HIRA: variants seen among roughly 807,000 people sequenced by gnomAD.
HIRA encodes protein HIRA.
A neutral mutation model predicts 126.6 loss-of-function variants in HIRA; 13 were observed. The ratio of observed to expected loss-of-function variants is 0.10; its 90% CI spans 0.07 to 0.16. The LOEUF (loss-of-function observed/expected upper bound fraction) is 0.16, where lower values mean the gene tolerates loss of function less well. Among genes scored for constraint, HIRA ranks in the 10% least tolerant of loss-of-function variants. The probability of loss-of-function intolerance (pLI) is 1.00; values close to 1 mark genes in which losing one functional copy is unlikely to be tolerated. For missense variants in HIRA, 834 were observed against 1,314.4 expected (o/e 0.63, Z 5.65); for synonymous variants, 511 against 520.0 (o/e 0.98, Z 0.24).
chr22:19,413,667 A>G (rs927274840), intron 1 of HIRA, among the ~76,000 whole-genome samples: 1 of 151,910 alleles, frequency 6.6e-6, no homozygotes, highest in Non-Finnish European at 1.5e-5. Flanking sequence ...GCTAGAGTGC[A>G]GTGGCGTGAT....
intron 15 of HIRA, among the ~76,000 whole-genome samples, chr22:19,368,741 G>A (rs928250394): frequency 2.0e-5 from 3 of 152,276 alleles, no homozygotes; most frequent in East Asian, 1.9e-4. Context: ...AAAATACAGC[G>A]AGAATGTCAC....
intron 24 of HIRA, among the ~76,000 whole-genome samples, chr22:19,333,828 C>T (rs1347455542): frequency 6.6e-6 from 1 of 152,154 alleles, no homozygotes; most frequent in Non-Finnish European, 1.5e-5. Context: ...GACCTGTTTT[C>T]AAGTTTGCTG....
At chr22:19,347,517 C>A (rs1300028947) in intron 24 of HIRA, among the ~76,000 whole-genome samples, 1 of 152,166 alleles carries the variant, frequency 6.6e-6, no homozygotes, top group Non-Finnish European at 1.5e-5. Context: ...CAGCAAACTT[C>A]TGAGAGCTAA....
intron 13 of HIRA, among the ~76,000 whole-genome samples, chr22:19,379,027 T>C (rs1156708955): frequency 7.0e-6 from 1 of 143,710 alleles, no homozygotes; most frequent in East Asian, 2.0e-4. Flanking sequence ...TGACATTTTT[T>C]CTTTTTCTTT....
chr22:19,423,474 CACATGCAT>C lies in HIRA; in HGVS notation c.37+7958_37+7965del, dbSNP rs1454866912. On this transcript the variant is annotated intron_variant, in intron 1 of 24. Transcript: ENST00000263208. ...GAAAACATACACACACTGACTCACA[CACATGCAT>C]ACACACACACACACACACACACACA... Among the ~76,000 whole-genome samples the C allele has an allele frequency of 6.7e-5, 9 of 134,068 alleles. No homozygotes were observed. In the East Asian group the frequency reaches 1.7e-3, roughly 26 times the overall value. 88.0% of individuals were successfully genotyped at this position (134,068 alleles called of 152,430 possible). A position where few individuals can be genotyped will look rare whatever the true frequency, so the allele number is the denominator to read the frequency against.
At chr22:19,337,830 C>A (rs781898909) in intron 24 of HIRA, among the ~76,000 whole-genome samples, 2 of 151,832 alleles carry the variant, frequency 1.3e-5, no homozygotes, top group African/African-American at 2.4e-5. Context: ...CTTGCTTTGT[C>A]ATCCAGGCTG....
intron 12 of HIRA, 124 bp downstream of exon 12, chr22:19,385,397 T>C: frequency 1.1e-6 from 1 of 885,940 alleles, no homozygotes; most frequent in Non-Finnish European, 1.7e-6. Context: ...GGCCCGAGGC[T>C]GGCTAACCCA....
At position 19,431,641 on chromosome 22, in the gene HIRA, CGCCGCCACA is replaced by C; in HGVS notation, c.-174_-166del. 1 of 665,290 alleles carries C rather than the reference CGCCGCCACA, an allele frequency of 1.5e-6. No homozygotes were observed. Among genetic ancestry groups the C allele is most frequent in the Non-Finnish European group, 1.9e-6 (1 of 513,614 alleles). 41.2% of individuals were successfully genotyped at this position (665,290 alleles called of 1,614,324 possible). On this transcript the variant is annotated 5_prime_UTR_variant, in exon 1 of 25. Transcript: ENST00000263208. ...GCCATCGCCGGCCCGCGCCCCCCTCCGCCGCCACAGCCGCCACCCGCGCTCGGCCGCCGC... is the reference window on the plus strand; with the variant it reads ...GCCATCGCCGGCCCGCGCCCCCCTCCGCCGCCACCCGCGCTCGGCCGCCGC...
intron 24 of HIRA, among the ~76,000 whole-genome samples, chr22:19,334,226 T>C (rs8139059): frequency 0.42 from 63,475 of 151,168 alleles, 14,822 homozygotes; most frequent in Non-Finnish European, 0.52. Context: ...CCGCCCGCCT[T>C]GGCCTCCCAA....
intron 1 of HIRA, among the ~76,000 whole-genome samples, chr22:19,411,398 A>C (rs1282720944): frequency 6.6e-6 from 1 of 152,232 alleles, no homozygotes; most frequent in African/African-American, 2.4e-5. Flanking sequence ...GTATGGGCCT[A>C]GGCTTGCACT....
At position 19,356,969 on chromosome 22, in the gene HIRA, G is replaced by A. The variant is rs202148034; in HGVS notation, c.2317C>T (p.Leu773=). Residue 773 remains leucine, a synonymous_variant, in exon 19 of 25, where the codon CTG becomes TTG. Transcript: ENST00000263208. ...CGRRLLSPIL[L]PSPISTLHCT... ...TGCAAAGTAGAGATCGGGGATGGCA[G>A]GAGGATGGGAGAGAGGAGACGGCGA... The A allele has an allele frequency of 6.2e-7, 1 of 1,614,030 alleles. No homozygotes were observed. The highest frequency in any genetic ancestry group is 2.2e-5 in the East Asian group (1 of 44,874).
At chr22:19,430,392 T>C (rs1401277610) in intron 1 of HIRA, 2 of 152,156 alleles carry the variant, frequency 1.3e-5, no homozygotes, top group Non-Finnish European at 2.9e-5. Flanking sequence ...TTCAGTTTAG[T>C]TGTGGTAGTA....
intron 1 of HIRA, among the ~76,000 whole-genome samples, chr22:19,423,410 GC>G (rs2146258519): frequency 6.6e-6 from 1 of 152,052 alleles, no homozygotes; most frequent in Admixed American, 6.6e-5. Flanking sequence ...CTCCTCAAGA[GC>G]CTGGCATGCT....
chr22:19,427,013 T>C (rs1169187366), intron 1 of HIRA, among the ~76,000 whole-genome samples: 2 of 152,162 alleles, frequency 1.3e-5, no homozygotes, highest in Non-Finnish European at 2.9e-5. Context: ...AAAATTCTTG[T>C]CCTCAAGAAA....
rs1445123844 is a variant in HIRA, at chr22:19,331,255, A to T, written c.*185T>A. ...GGGATGAGCTTCCCCCTCCTGAGGC[A>T]ATGTCAGACCCAGGACACAGGGCAC... On this transcript the variant is annotated 3_prime_UTR_variant, in exon 25 of 25. Coordinates refer to ENST00000263208, the MANE Select transcript of HIRA (RefSeq NM_003325.4). 1 of 1,521,056 alleles carries T rather than the reference A, an allele frequency of 6.6e-7. No homozygotes were observed. Among genetic ancestry groups the T allele is most frequent in the Non-Finnish European group, 8.8e-7 (1 of 1,136,516 alleles). 94.2% of individuals were successfully genotyped at this position (1,521,056 alleles called of 1,614,324 possible). A position where few individuals can be genotyped will look rare whatever the true frequency, so the allele number is the denominator to read the frequency against.
At chr22:19,372,824 A>G (rs889917836) in intron 15 of HIRA, among the ~76,000 whole-genome samples, 2 of 152,072 alleles carry the variant, frequency 1.3e-5, no homozygotes, top group African/African-American at 4.8e-5. Context: ...CACCCACCTC[A>G]GCCTCCCAAA....
In HIRA at chr22:19,388,541, T is replaced by G. The variant is rs781527480; in HGVS notation, c.950A>C (p.Lys317Thr). 6.2e-6 allele frequency: 10 copies of G among 1,613,044 alleles called. No individual in the cohort carries two copies. The highest frequency in any genetic ancestry group is 8.5e-6 in the Non-Finnish European group (10 of 1,179,078). The change falls in exon 10 of 25, where the codon AAA (lysine) becomes ACA (threonine). Residue 317 changes from lysine (K) to threonine (T), a missense_variant. Coordinates refer to ENST00000263208, the MANE Select transcript of HIRA (RefSeq NM_003325.4). ...RSLSVWLTCL[K>T]RPLVVIHELF... The stretch of plus-strand genomic sequence containing the variant: ...TTCATGGATGACCACCAGCGGCCGT[T>G]TCAGACATGTGAGCTGGAAGGAAAG...
Position 19,354,720 on chromosome 22 carries a change from A to G in HIRA, c.2562-602T>C, listed in dbSNP as rs187392622. Among the ~76,000 whole-genome samples, 8 of 152,298 alleles carry G rather than the reference A, an allele frequency of 5.3e-5. No individual in the cohort carries two copies. In the East Asian group the frequency reaches 1.3e-3, roughly 26 times the overall value. ...TCAGCTTATTTCCATTATTACAGCA[A>G]TCATATATAATAGACAACATTTTGC... is the stretch of plus-strand genomic sequence containing the variant. On this transcript the variant is annotated intron_variant, in intron 21 of 24. Transcript: ENST00000263208.
chr22:19,423,502 CACACACACACACACACACACACAT>C (rs1310960669), intron 1 of HIRA, among the ~76,000 whole-genome samples: 1 of 121,042 alleles, frequency 8.3e-6, no homozygotes, highest in Non-Finnish European at 1.8e-5. Context: ...CACACACACA[CACACACACACACACACACACACAT>C]ATTTTCAGCT....
Sources: gnomAD v4.1 joint callset for allele counts (sites outside exome capture counted in the v4.1 genomes callset) on GRCh38, gnomAD v4.1.1 for gene constraint, MANE v1.5 for transcripts, NCBI Gene and HGNC (gene_info 2026-07-23, HGNC 2026-07-21) for gene names.